The following STAG1 variants were observed in gnomAD, a reference collection of about 807,000 sequenced individuals.
STAG1 encodes the protein cohesin subunit SA-1.
Under a neutral mutation model 170.9 loss-of-function variants are expected in STAG1, and 26 were observed. The observed-to-expected ratio is 0.15, with a 90% CI of 0.11 to 0.21. The LOEUF (loss-of-function observed/expected upper bound fraction) is 0.21. STAG1 is among the 10% of genes least tolerant of loss of function. The pLI is 1.00. For missense variants in STAG1, 964 were observed against 1,509.5 expected (o/e 0.64, Z 5.99); for synonymous variants, 514 against 497.7 (o/e 1.03, Z -0.44).
intron 3 of STAG1, among the ~76,000 whole-genome samples, chr3:136,620,690 G>C (rs1210767182): frequency 6.6e-6 from 1 of 152,166 alleles, no homozygotes; most frequent in Non-Finnish European, 1.5e-5. Flanking sequence ...GATTGAGTTA[G>C]GTGGAAGTAC....
At chr3:136,471,638 TTC>T (rs1276017754) in intron 12 of STAG1, among the ~76,000 whole-genome samples, 11 of 152,212 alleles carry the variant, frequency 7.2e-5, no homozygotes, top group African/African-American at 2.7e-4. Context: ...CTAGGATATA[TTC>T]TCTCACATAG....
intron 14 of STAG1, among the ~76,000 whole-genome samples, chr3:136,444,097 G>A (rs1047159287): frequency 2.7e-5 from 4 of 149,608 alleles, no homozygotes; most frequent in Non-Finnish European, 5.9e-5. Flanking sequence ...TTTTTGAGAT[G>A]GAGTCTTGCT....
chr3:136,625,565 T>C (rs1052206422), intron 2 of STAG1, among the ~76,000 whole-genome samples: 2 of 152,210 alleles, frequency 1.3e-5, no homozygotes, highest in African/African-American at 4.8e-5. Flanking sequence ...ATGCTTTAAG[T>C]TATTATACAA....
At chr3:136,737,220 A>G (rs1385048187) in intron 1 of STAG1, 2 of 664,456 alleles carry the variant, frequency 3.0e-6, no homozygotes, top group African/African-American at 3.5e-5. Context: ...TCTCTCCTGA[A>G]GCCGCCACTT....
intron 21 of STAG1, among the ~76,000 whole-genome samples, chr3:136,405,037 G>A (rs2087437831): frequency 6.6e-6 from 1 of 152,000 alleles, no homozygotes; most frequent in Non-Finnish European, 1.5e-5. Flanking sequence ...GTGGACATGT[G>A]CATGATAAAA....
intron 22 of STAG1, among the ~76,000 whole-genome samples, chr3:136,391,878 G>A (rs1161200553): frequency 1.3e-5 from 2 of 152,166 alleles, no homozygotes; most frequent in Non-Finnish European, 2.9e-5. Flanking sequence ...GGGAATCAGG[G>A]GAACAGAGGA....
rs1212786162 is a variant in STAG1, at chr3:136,521,253, G to A, written c.636C>T (p.Asp212=). ...TVISLLTGLS[D]SQVRAFRHTS... is the part of the protein sequence containing the mutation. ...TATGCCTAAAAGCTCTGACCTGGGAGTCTGACAAACCCGTCAAAAGGGAGA... is the reference window on the plus strand; with the variant it reads ...TATGCCTAAAAGCTCTGACCTGGGAATCTGACAAACCCGTCAAAAGGGAGA... Residue 212 remains aspartate (D), a synonymous_variant, in exon 7 of 34, where the codon GAC becomes GAT. Transcript: ENST00000383202. The A allele has an allele frequency of 2.1e-5, 34 of 1,613,638 alleles. No individual in the cohort carries two copies. Among genetic ancestry groups the A allele is most frequent in the Non-Finnish European group, 2.8e-5 (33 of 1,179,810 alleles).
At chr3:136,625,849 A>G (rs2107833786) in intron 2 of STAG1, among the ~76,000 whole-genome samples, 1 of 152,360 alleles carries the variant, frequency 6.6e-6, no homozygotes, top group Non-Finnish European at 1.5e-5. Flanking sequence ...CAAAGTTATC[A>G]TATTACTCTA....
At chr3:136,634,364 A>C (rs1940464798) in intron 1 of STAG1, among the ~76,000 whole-genome samples, 1 of 151,542 alleles carries the variant, frequency 6.6e-6, no homozygotes, top group Non-Finnish European at 1.5e-5. Context: ...AGCCCCCAAA[A>C]CAAACAAACA....
In STAG1 at chr3:136,371,191, C is replaced by A. The variant is rs540131433; in HGVS notation, c.2371-1909G>T. ...AGTGCCTGTTCATATCCTTTGTCCA[C>A]TTTTTGATGTGGTTGTTTTTTTCTT... On this transcript the variant is annotated intron_variant, in intron 23 of 33. Coordinates refer to ENST00000383202, the MANE Select transcript of STAG1 (RefSeq NM_005862.3). 7.2e-5 allele frequency among the ~76,000 whole-genome samples: 11 copies of A among 152,274 alleles called. No homozygotes were observed. The East Asian group carries it at 1.7e-3, about 24-fold the overall frequency.
chr3:136,586,528 G>A (rs1937833647), intron 4 of STAG1, among the ~76,000 whole-genome samples: 1 of 152,146 alleles, frequency 6.6e-6, no homozygotes, highest in African/African-American at 2.4e-5. Context: ...GTACCTTTAG[G>A]TGTAACTGAA....
At chr3:136,716,621 G>A (rs1943548176) in intron 1 of STAG1, among the ~76,000 whole-genome samples, 1 of 152,210 alleles carries the variant, frequency 6.6e-6, no homozygotes, top group African/African-American at 2.4e-5. Flanking sequence ...ACTTCAGCCG[G>A]GACAACTAAA....
chr3:136,742,602 C>G (rs889549405), intron 1 of STAG1, among the ~76,000 whole-genome samples: 1 of 151,540 alleles, frequency 6.6e-6, no homozygotes, highest in Non-Finnish European at 1.5e-5. Flanking sequence ...GTAATCCCAG[C>G]TACTGTGGAG....
chr3:136,490,701 T>A (rs893951697), intron 9 of STAG1, among the ~76,000 whole-genome samples: 1 of 152,212 alleles, frequency 6.6e-6, no homozygotes, highest in African/African-American at 2.4e-5. Flanking sequence ...TTGTTCAGAA[T>A]AAATCTATTA....
intron 1 of STAG1, among the ~76,000 whole-genome samples, chr3:136,698,112 G>A (rs1172739901): frequency 6.6e-6 from 1 of 151,334 alleles, no homozygotes; most frequent in East Asian, 1.9e-4. Flanking sequence ...CTTAGGCAAA[G>A]AATTCATGAC....
chr3:136,611,489 A>T (rs913495525), intron 3 of STAG1, among the ~76,000 whole-genome samples: 16 of 149,952 alleles, frequency 1.1e-4, no homozygotes, highest in African/African-American at 3.7e-4. Flanking sequence ...CAAAGTTTTG[A>T]CCTTTTTACT....
At chr3:136,591,524 C>G in intron 4 of STAG1, 1 of 431,230 alleles carries the variant, frequency 2.3e-6, no homozygotes, top group East Asian at 7.6e-5. Context: ...CTGGACAACA[C>G]TGACCTATTT....
intron 1 of STAG1, among the ~76,000 whole-genome samples, chr3:136,714,939 AT>A (rs1195758991): frequency 1.9e-5 from 1 of 53,448 alleles, no homozygotes; most frequent in African/African-American, 1.2e-4. Flanking sequence ...TATATATTAA[AT>A]ATATATATAT....
At chr3:136,344,099 A>G in intron 29 of STAG1, 93 bp from the exon 30 acceptor site, 4 of 886,060 alleles carry the variant, frequency 4.5e-6, no homozygotes, top group Non-Finnish European at 6.4e-6. Flanking sequence ...GTGGCTCTGC[A>G]GTCAGACTGC....
Sources: allele counts gnomAD v4.1 joint callset (sites outside exome capture counted in the v4.1 genomes callset), GRCh38; gene constraint gnomAD v4.1.1; transcripts MANE v1.5; gene names NCBI Gene and HGNC (gene_info 2026-07-23, HGNC 2026-07-21).